APLF: variants seen among roughly 807,000 people sequenced by gnomAD.
APLF encodes aprataxin and PNKP like factor, also known as aprataxin and PNK-like factor.
A neutral mutation model predicts 55.6 loss-of-function variants in APLF; 61 were observed. That is an observed-to-expected ratio of 1.10 (90% CI 0.89 to 1.36). The LOEUF (loss-of-function observed/expected upper bound fraction) is 1.36. Among genes scored for constraint, APLF ranks in the 40% most tolerant of loss-of-function variants. The pLI is 0.00. For missense variants in APLF, 611 were observed against 602.5 expected (o/e 1.01, Z -0.15); for synonymous variants, 207 against 214.8 (o/e 0.96, Z 0.32).
chr2:68,508,099 A>G (rs996442329), intron 3 of APLF, among the ~76,000 whole-genome samples: 2 of 151,630 alleles, frequency 1.3e-5, no homozygotes, highest in African/African-American at 4.8e-5. Flanking sequence ...ATATGAAAAT[A>G]CATAACATAA....
intron 8 of APLF, among the ~76,000 whole-genome samples, chr2:68,558,756 C>T (rs1381111239): frequency 6.6e-6 from 1 of 152,148 alleles, no homozygotes; most frequent in Admixed American, 6.5e-5. Flanking sequence ...TTAAGCCCAG[C>T]ATCCATTAGC....
At chr2:68,518,487 C>T (rs191083064) in intron 5 of APLF, among the ~76,000 whole-genome samples, 1,193 of 110,156 alleles carry the variant, frequency 0.011, 24 homozygotes, top group African/African-American at 0.044. Flanking sequence ...TACATAATAA[C>T]ATTAATAATA....
rs1473862418 is a variant in APLF, at chr2:68,527,815, T to C, written c.804+1573T>C. 2.3e-3 allele frequency among the ~76,000 whole-genome samples: 187 copies of C among 80,742 alleles called. No individual in the cohort carries two copies. The Middle Eastern group carries it at 0.065, about 28-fold the overall frequency. 53.0% of individuals were successfully genotyped at this position (80,742 alleles called of 152,430 possible). On this transcript the variant is annotated intron_variant, in intron 6 of 9. Coordinates refer to ENST00000303795, the MANE Select transcript of APLF (RefSeq NM_173545.3). The stretch of plus-strand genomic sequence containing the variant: ...GCAGAGGCGCTCCTCACTGCCCAGA[T>C]GGTGCGGTGGCCAGGCAGAGGCGCT...
intron 1 of APLF, among the ~76,000 whole-genome samples, chr2:68,486,802 T>C (rs887035839): frequency 2.0e-5 from 3 of 152,200 alleles, no homozygotes; most frequent in African/African-American, 7.2e-5. Context: ...ATTTAACTTT[T>C]TATGGCTTTC....
At chr2:68,477,513 T>C (rs1403657551) in intron 1 of APLF, among the ~76,000 whole-genome samples, 1 of 151,946 alleles carries the variant, frequency 6.6e-6, no homozygotes, top group Non-Finnish European at 1.5e-5. Flanking sequence ...TGGTGGTACA[T>C]GCCTGTAATC....
At chr2:68,469,731 A>T (rs967980668) in intron 1 of APLF, among the ~76,000 whole-genome samples, 1 of 152,230 alleles carries the variant, frequency 6.6e-6, no homozygotes, top group African/African-American at 2.4e-5. Context: ...CAACAACAGC[A>T]ATTCCAGTGA....
chr2:68,508,943 C>T (rs966773174), intron 3 of APLF, among the ~76,000 whole-genome samples: 3 of 151,952 alleles, frequency 2.0e-5, no homozygotes, highest in African/African-American at 7.2e-5. Flanking sequence ...TGATCTTTGA[C>T]AAACCTGACA....
chr2:68,578,866 A>C lies in APLF; in HGVS notation c.*844A>C, dbSNP rs2104093050. 1 of 985,314 alleles carries C rather than the reference A, an allele frequency of 1.0e-6. No homozygotes were observed. Among genetic ancestry groups the C allele is most frequent in the Non-Finnish European group, 1.2e-6 (1 of 829,860 alleles). The allele number at this position is 985,314 out of a possible 1,614,324, so 61.0% of individuals were successfully genotyped here. A position where few individuals can be genotyped will look rare whatever the true frequency, so the allele number is the denominator to read the frequency against. On this transcript the variant is annotated 3_prime_UTR_variant, in exon 10 of 10. Transcript: ENST00000303795. ...AAAGTAGCAAGTTGTTTGCCAGTTGAAAGTTCAAGATTCTGGCCTCCCATA... is the reference window on the plus strand; with the variant it reads ...AAAGTAGCAAGTTGTTTGCCAGTTGCAAGTTCAAGATTCTGGCCTCCCATA...
rs1012559979 is a variant in APLF, at chr2:68,529,440, A to G, written c.804+3198A>G. On this transcript the variant is annotated intron_variant, in intron 6 of 9. Transcript: ENST00000303795. The surrounding 1 kb of genome is among the most constrained non-coding windows in gnomAD (Gnocchi z 4.4). ...CAGGACCTGCGGCGGAACCAGGAACAAAATACGCTTAGTGAGTTGTCCATT... is the reference window on the plus strand; with the variant it reads ...CAGGACCTGCGGCGGAACCAGGAACGAAATACGCTTAGTGAGTTGTCCATT... 2 of 1,189,424 alleles carry G rather than the reference A, an allele frequency of 1.7e-6. No homozygotes were observed. The highest frequency in any genetic ancestry group is 2.1e-6 in the Non-Finnish European group (2 of 958,172). 73.7% of individuals were successfully genotyped at this position (1,189,424 alleles called of 1,614,324 possible).
chr2:68,517,387 TTATTACTATATATTAATATATCTATA>T (rs1558538636), intron 5 of APLF, among the ~76,000 whole-genome samples: 9 of 131,596 alleles, frequency 6.8e-5, no homozygotes, highest in Admixed American at 1.6e-4. Flanking sequence ...GTAATATATG[TTATTACTATATATTAATATATCTATA>T]TATTACTATA....
At chr2:68,481,368 T>TTTTGC in intron 1 of APLF, among the ~76,000 whole-genome samples, 1 of 151,558 alleles carries the variant, frequency 6.6e-6, no homozygotes, top group East Asian at 1.9e-4. Flanking sequence ...GGCAGTTTTG[T>TTTTGC]TTTGTTTTGT....
intron 3 of APLF, among the ~76,000 whole-genome samples, chr2:68,505,250 A>C (rs1000805305): frequency 2.3e-4 from 35 of 152,082 alleles, no homozygotes; most frequent in African/African-American, 8.0e-4. Flanking sequence ...TTTTTTTGTT[A>C]CAATAAACTT....
intron 3 of APLF, among the ~76,000 whole-genome samples, chr2:68,508,581 C>T (rs1175443613): frequency 6.6e-6 from 1 of 151,828 alleles, no homozygotes; most frequent in African/African-American, 2.4e-5. Context: ...CACAAGCAAA[C>T]AAAGGAAAAG....
chr2:68,476,157 T>C (rs902326292), intron 1 of APLF, among the ~76,000 whole-genome samples: 6 of 152,070 alleles, frequency 3.9e-5, no homozygotes, highest in Non-Finnish European at 8.8e-5. Context: ...TAATGTTTTT[T>C]GTGTGTATTA....
chr2:68,502,398 T>G (rs933211504), intron 2 of APLF, among the ~76,000 whole-genome samples: 3 of 152,140 alleles, frequency 2.0e-5, no homozygotes, highest in African/African-American at 7.2e-5. Context: ...AGAATTATTT[T>G]TCATATTTCT....
chr2:68,527,734 A>C (rs751599690), intron 6 of APLF, among the ~76,000 whole-genome samples: 18 of 148,742 alleles, frequency 1.2e-4, no homozygotes, highest in Non-Finnish European at 2.4e-4. Flanking sequence ...CACTTCCCAG[A>C]CTGTGAGGCA....
chr2:68,527,077 C>T (rs1402219556), intron 6 of APLF, among the ~76,000 whole-genome samples: 6 of 151,702 alleles, frequency 4.0e-5, no homozygotes, highest in African/African-American at 7.3e-5. Context: ...TAGAGGCGCT[C>T]CTCACTTCCC....
intron 9 of APLF, chr2:68,568,092 G>C (rs1233632294): frequency 6.2e-6 from 1 of 160,076 alleles, no homozygotes; most frequent in South Asian, 2.0e-4. Flanking sequence ...AGAGAGGAGG[G>C]GGAGAGACAC....
At chr2:68,493,731 A>G (rs1676440470) in intron 2 of APLF, among the ~76,000 whole-genome samples, 1 of 152,198 alleles carries the variant, frequency 6.6e-6, no homozygotes, top group South Asian at 2.1e-4. Context: ...TGGGAGGTGA[A>G]GGCGGGCAGA....
Sources: allele counts gnomAD v4.1 joint callset (sites outside exome capture counted in the v4.1 genomes callset), GRCh38; gene constraint gnomAD v4.1.1; non-coding constraint Gnocchi (gnomAD v3.1); transcripts MANE v1.5; gene names NCBI Gene and HGNC (gene_info 2026-07-23, HGNC 2026-07-21).